PADI4: variants seen among roughly 807,000 people sequenced by gnomAD.
PADI4 encodes peptidyl arginine deiminase 4.
In PADI4, 62 loss-of-function variants were observed where a neutral mutation model predicts 75.0. The observed-to-expected ratio is 0.83, with a 90% CI of 0.67 to 1.02. The LOEUF (loss-of-function observed/expected upper bound fraction) is 1.02, where lower values mean the gene tolerates loss of function less well. PADI4 is among the 50% of genes least tolerant of loss of function. PADI4 has a pLI of 0.00. For missense variants in PADI4, 845 were observed against 850.5 expected (o/e 0.99, Z 0.08); for synonymous variants, 361 against 348.1 (o/e 1.04, Z -0.41).
chr1:17,321,498 A>G (rs149160127), intron 1 of PADI4, among the ~76,000 whole-genome samples: 2,072 of 152,362 alleles, frequency 0.014, 54 homozygotes, highest in African/African-American at 0.047. Flanking sequence ...AACCGAATTA[A>G]TTAACGTGTG....
At chr1:17,324,745 A>G (rs2074091946) in intron 1 of PADI4, among the ~76,000 whole-genome samples, 1 of 152,248 alleles carries the variant, frequency 6.6e-6, no homozygotes, top group South Asian at 2.1e-4. Flanking sequence ...CTAGAGATTC[A>G]AAGTTCTGAC....
intron 11 of PADI4, among the ~76,000 whole-genome samples, chr1:17,355,489 T>C (rs143059133): frequency 6.6e-6 from 1 of 150,768 alleles, no homozygotes; most frequent in African/African-American, 2.4e-5. Context: ...GCGGAGGTTG[T>C]AGTGAGCCGA....
At position 17,342,418 on chromosome 1, in the gene PADI4, G is replaced by T. The variant is rs761731533; in HGVS notation, c.935+16G>T. On this transcript the variant is annotated intron_variant, in intron 8 of 15. Transcript: ENST00000375448. Reference sequence around the variant, plus strand: ...ACGCGTGCAGGTGAGAGGTCCTGGGGTGCTGGGGTGGGTCCAGACAACAAA... The same window carrying T: ...ACGCGTGCAGGTGAGAGGTCCTGGGTTGCTGGGGTGGGTCCAGACAACAAA... 6.6e-6 allele frequency: 10 copies of T among 1,509,880 alleles called. No homozygotes were observed. The African/African-American group carries it at 1.2e-4, about 19-fold the overall frequency. The allele number at this position is 1,509,880 out of a possible 1,614,324, so 93.5% of individuals were successfully genotyped here. A position where few individuals can be genotyped will look rare whatever the true frequency, so the allele number is the denominator to read the frequency against.
chr1:17,349,218 C>G (rs71644039), intron 10 of PADI4, among the ~76,000 whole-genome samples: 3,215 of 152,340 alleles, frequency 0.021, 42 homozygotes, highest in Middle Eastern at 0.031. Flanking sequence ...TCAGTCCTGC[C>G]TGGTTCAGTG....
chr1:17,337,249 G>A (rs547672208), intron 4 of PADI4, among the ~76,000 whole-genome samples: 2 of 152,292 alleles, frequency 1.3e-5, no homozygotes, highest in East Asian at 1.9e-4. Context: ...AGGTTCAAGT[G>A]ATTCTCCTAC....
chr1:17,360,195 G>A (rs1337808561), intron 15 of PADI4, among the ~76,000 whole-genome samples: 1 of 152,052 alleles, frequency 6.6e-6, no homozygotes, highest in Non-Finnish European at 1.5e-5. Context: ...AGAGGCGGAA[G>A]CAGGAGAATC....
intron 10 of PADI4, chr1:17,348,813 C>T (rs891454914): frequency 6.6e-6 from 1 of 152,218 alleles, no homozygotes; most frequent in African/African-American, 2.4e-5. Context: ...CGCCCTGCCT[C>T]CCTCTCCCTG....
Position 17,330,890 on chromosome 1 carries a change from G to C in PADI4, c.93-79G>C. 3.3e-6 allele frequency: 3 copies of C among 910,186 alleles called. No homozygotes were observed. In the Admixed American group the frequency reaches 8.5e-5, roughly 26 times the overall value. The allele number at this position is 910,186 out of a possible 1,614,324, so 56.4% of individuals were successfully genotyped here. On this transcript the variant is annotated intron_variant, in intron 1 of 15. Transcript: ENST00000375448. ...TGACACCTAATATTAACCATCACAAGGAGAAATGCTGGGAGAGCCATGGCT... is the reference window on the plus strand; with the variant it reads ...TGACACCTAATATTAACCATCACAACGAGAAATGCTGGGAGAGCCATGGCT...
intron 1 of PADI4, among the ~76,000 whole-genome samples, chr1:17,320,760 C>CT (rs933968028): frequency 5.9e-5 from 9 of 152,330 alleles, no homozygotes; most frequent in African/African-American, 2.2e-4. Context: ...TCAGCAAGGT[C>CT]TTTATGACCT....
At position 17,342,343 on chromosome 1, in the gene PADI4, C is replaced by A. The variant is rs200527786; in HGVS notation, c.876C>A (p.Arg292=). The A allele has an allele frequency of 1.9e-6, 3 of 1,614,012 alleles. No individual in the cohort carries two copies. The highest frequency in any genetic ancestry group is 2.5e-6 in the Non-Finnish European group (3 of 1,179,912). The change falls in exon 8 of 16, where the codon CGC becomes CGA. Residue 292 remains arginine, a synonymous_variant. Transcript: ENST00000375448. The part of the protein sequence containing the change: ...AVVFQDSVVF[R]VAPWIMTPNT... ...TGTTCCAAGACAGCGTGGTCTTCCG[C>A]GTGGCGCCCTGGATCATGACCCCCA...
Position 17,331,067 on chromosome 1 carries a change from G to T in PADI4, c.191G>T (p.Gly64Val). Residue 64 changes from glycine to valine, a missense_variant, in exon 2 of 16, where the codon GGT becomes GTT. Transcript: ENST00000375448. ...HGPPAKKKST[G>V]SSTWPLDPGV... ...CCTCCAGCCAAGAAGAAATCCACAG[G>T]TTCCTCCACATGGCCCCTGGACCCT... 1.2e-6 allele frequency: 2 copies of T among 1,611,442 alleles called. No homozygotes were observed. Among genetic ancestry groups the T allele is most frequent in the Non-Finnish European group, 1.7e-6 (2 of 1,178,860 alleles).
intron 10 of PADI4, among the ~76,000 whole-genome samples, chr1:17,351,455 T>C (rs1308221612): frequency 1.4e-5 from 2 of 146,682 alleles, no homozygotes; most frequent in African/African-American, 5.0e-5. Context: ...AAAATAAAAA[T>C]AAAAATAAGC....
rs2073706411 is a variant in PADI4, at chr1:17,308,254, C to G, written c.32C>G (p.Pro11Arg). The G allele has an allele frequency of 6.2e-7, 1 of 1,614,020 alleles. No homozygotes were observed. The highest frequency in any genetic ancestry group is 1.1e-5 in the South Asian group (1 of 91,090). MAQGTLIRVT[P>R]EQPTHAVCVL... Reference sequence around the variant, plus strand: ...CAGGGGACATTGATCCGTGTGACCCCAGAGCAGCCCACCCATGCCGTGTGT... The same window carrying G: ...CAGGGGACATTGATCCGTGTGACCCGAGAGCAGCCCACCCATGCCGTGTGT... Residue 11 changes from proline to arginine, a missense_variant, in exon 1 of 16, where the codon CCA becomes CGA. Coordinates refer to ENST00000375448, the MANE Select transcript of PADI4 (RefSeq NM_012387.3).
At chr1:17,340,143 C>T (rs1334103753) in intron 6 of PADI4, among the ~76,000 whole-genome samples, 1 of 152,100 alleles carries the variant, frequency 6.6e-6, no homozygotes, top group Non-Finnish European at 1.5e-5. Flanking sequence ...TGTTCTGCAA[C>T]ATCCTGCTAA....
intron 10 of PADI4, among the ~76,000 whole-genome samples, chr1:17,353,819 G>A (rs2074711562): frequency 6.6e-6 from 1 of 152,170 alleles, no homozygotes; most frequent in Non-Finnish European, 1.5e-5. Context: ...GCGGCTATTA[G>A]AAGCTGAAAA....
At chr1:17,336,127 C>T in intron 3 of PADI4, 32 bp from the exon 4 acceptor site, 1 of 1,554,940 alleles carries the variant, frequency 6.4e-7, no homozygotes, top group Non-Finnish European at 8.9e-7. Context: ...CGGACCCTCA[C>T]CAACCTCTCC....
At chr1:17,336,299 C>A in intron 4 of PADI4, 73 bp downstream of exon 4, 2 of 1,058,738 alleles carry the variant, frequency 1.9e-6, no homozygotes, top group Non-Finnish European at 3.0e-6. Context: ...GGTGATGGGG[C>A]AAATGCTGGC....
At position 17,356,201 on chromosome 1, in the gene PADI4, C is replaced by A; in HGVS notation, c.1455+74C>A. 6.6e-7 allele frequency: 1 copy of A among 1,510,516 alleles called. No individual in the cohort carries two copies. Among genetic ancestry groups the A allele is most frequent in the Non-Finnish European group, 9.1e-7 (1 of 1,101,930 alleles). The allele number at this position is 1,510,516 out of a possible 1,614,324, so 93.6% of individuals were successfully genotyped here. ...GACCCTCTGCCTGGGGTGGGAGCAA[C>A]TTTACTTGTCTATTTCTCCTTCACC... On this transcript the variant is annotated intron_variant, in intron 12 of 15. Coordinates refer to ENST00000375448, the MANE Select transcript of PADI4 (RefSeq NM_012387.3). This position sits in a 1 kb window ranked among gnomAD's most constrained non-coding sequence, Gnocchi z 4.1.
intron 1 of PADI4, among the ~76,000 whole-genome samples, chr1:17,330,216 G>A (rs750006584): frequency 1.7e-4 from 26 of 152,136 alleles, no homozygotes; most frequent in East Asian, 1.9e-4. Context: ...CAGGTCAGGG[G>A]ATTCGCTTTC....
Sources: gnomAD v4.1 joint callset for allele counts (sites outside exome capture counted in the v4.1 genomes callset) on GRCh38, gnomAD v4.1.1 for gene constraint, Gnocchi (gnomAD v3.1) non-coding constraint, MANE v1.5 for transcripts, NCBI Gene and HGNC (gene_info 2026-07-23, HGNC 2026-07-21) for gene names.